The following MBOAT1 variants were observed in gnomAD, a reference collection of about 807,000 sequenced individuals.
MBOAT1 encodes membrane bound glycerophospholipid O-acyltransferase 1.
A neutral mutation model predicts 64.4 loss-of-function variants in MBOAT1; 67 were observed. The ratio of observed to expected loss-of-function variants is 1.04; its 90% CI spans 0.85 to 1.27. The LOEUF (loss-of-function observed/expected upper bound fraction) is 1.27, where lower values mean the gene tolerates loss of function less well. MBOAT1 is among the 50% of genes most tolerant of loss of function. The pLI is 0.00. For synonymous variants in MBOAT1, 229 were observed against 218.9 expected (o/e 1.05, Z -0.41); for missense variants, 563 against 604.6 (o/e 0.93, Z 0.72).
intron 9 of MBOAT1, among the ~76,000 whole-genome samples, chr6:20,117,909 C>T (rs1264088409): frequency 6.6e-6 from 1 of 152,086 alleles, no homozygotes; most frequent in Non-Finnish European, 1.5e-5. Context: ...TGAGAGCAGA[C>T]CAAAAATTGT....
chr6:20,157,323 C>T (rs1761724680), intron 1 of MBOAT1, among the ~76,000 whole-genome samples: 1 of 151,510 alleles, frequency 6.6e-6, no homozygotes, highest in Non-Finnish European at 1.5e-5. Context: ...AAAGTACCTG[C>T]CATAAAATGA....
intron 3 of MBOAT1, among the ~76,000 whole-genome samples, chr6:20,148,357 CAGACA>C (rs1383949315): frequency 6.6e-6 from 1 of 152,114 alleles, no homozygotes; most frequent in African/African-American, 2.4e-5. Flanking sequence ...GAAGAGGTTG[CAGACA>C]AGCCAAGACC....
At chr6:20,121,454 G>A (rs971351765) in intron 8 of MBOAT1, among the ~76,000 whole-genome samples, 1 of 152,178 alleles carries the variant, frequency 6.6e-6, no homozygotes, top group African/African-American at 2.4e-5. Flanking sequence ...AAAGAAAAGG[G>A]AAGCATGGGG....
intron 1 of MBOAT1, among the ~76,000 whole-genome samples, chr6:20,200,996 A>G (rs1042930171): frequency 6.6e-6 from 1 of 152,162 alleles, no homozygotes; most frequent in Non-Finnish European, 1.5e-5. Flanking sequence ...CAAACACAGG[A>G]GGCAAAGAGC....
At chr6:20,170,463 A>T (rs974586339) in intron 1 of MBOAT1, among the ~76,000 whole-genome samples, 1 of 152,126 alleles carries the variant, frequency 6.6e-6, no homozygotes, top group African/African-American at 2.4e-5. Context: ...CAGAAACTAG[A>T]GTTGTATCTC....
intron 9 of MBOAT1, among the ~76,000 whole-genome samples, chr6:20,116,331 CA>C (rs149851534): frequency 2.7e-5 from 4 of 145,902 alleles, no homozygotes; most frequent in Admixed American, 6.8e-5. Flanking sequence ...GACTCCATCT[CA>C]AAAAAAAAAT....
At chr6:20,107,647 C>A (rs960974365) in intron 12 of MBOAT1, among the ~76,000 whole-genome samples, 1 of 152,142 alleles carries the variant, frequency 6.6e-6, no homozygotes, top group Non-Finnish European at 1.5e-5. Context: ...CATTCTAGCT[C>A]CAGATTCTAG....
At chr6:20,173,706 T>C (rs1456599816) in intron 1 of MBOAT1, among the ~76,000 whole-genome samples, 1 of 151,878 alleles carries the variant, frequency 6.6e-6, no homozygotes, top group Non-Finnish European at 1.5e-5. Flanking sequence ...ATCTCAGCAC[T>C]TTGGGAGGCC....
chr6:20,120,008 T>C (rs1485150044), intron 8 of MBOAT1, among the ~76,000 whole-genome samples: 1 of 150,758 alleles, frequency 6.6e-6, no homozygotes, highest in Non-Finnish European at 1.5e-5. Context: ...TGTGTGTGCG[T>C]GTGTGTGTGT....
chr6:20,175,277 G>T (rs1294347903), intron 1 of MBOAT1, among the ~76,000 whole-genome samples: 4 of 152,116 alleles, frequency 2.6e-5, no homozygotes, highest in Admixed American at 2.0e-4. Flanking sequence ...TAGAGATGGG[G>T]TCTCACTCTG....
At chr6:20,149,963 T>G (rs2113690167) in intron 3 of MBOAT1, among the ~76,000 whole-genome samples, 1 of 152,318 alleles carries the variant, frequency 6.6e-6, no homozygotes, top group South Asian at 2.1e-4. Flanking sequence ...TCCATAAATA[T>G]TTATTGAGCT....
chr6:20,170,272 C>G (rs1324319598), intron 1 of MBOAT1, among the ~76,000 whole-genome samples: 1 of 152,196 alleles, frequency 6.6e-6, no homozygotes. Context: ...AGATGTCTCT[C>G]CTGAAGACAC....
At chr6:20,139,181 A>G (rs1414080206) in intron 4 of MBOAT1, among the ~76,000 whole-genome samples, 1 of 152,166 alleles carries the variant, frequency 6.6e-6, no homozygotes, top group East Asian at 1.9e-4. Flanking sequence ...GCTGGAATGC[A>G]GTGGTGTGGT....
intron 4 of MBOAT1, among the ~76,000 whole-genome samples, chr6:20,136,393 C>A (rs1040924274): frequency 1.3e-5 from 2 of 152,228 alleles, no homozygotes; most frequent in Non-Finnish European, 1.5e-5. Context: ...CTTGGTATAA[C>A]TTATGTCTGC....
intron 8 of MBOAT1, among the ~76,000 whole-genome samples, chr6:20,122,350 T>C (rs1303998758): frequency 6.6e-6 from 1 of 152,166 alleles, no homozygotes; most frequent in Non-Finnish European, 1.5e-5. Context: ...TCCGTTTCTC[T>C]TTATTCCTCC....
At chr6:20,166,929 A>C (rs1762031400) in intron 1 of MBOAT1, among the ~76,000 whole-genome samples, 1 of 151,958 alleles carries the variant, frequency 6.6e-6, no homozygotes, top group South Asian at 2.1e-4. Context: ...ACAGAGTGAG[A>C]CCCTGTCACG....
intron 11 of MBOAT1, among the ~76,000 whole-genome samples, chr6:20,110,011 G>A (rs1046266728): frequency 2.7e-5 from 4 of 146,074 alleles, no homozygotes; most frequent in Non-Finnish European, 1.5e-5. Context: ...CTGGGTTCAA[G>A]TGATTCTCCT....
At position 20,193,007 on chromosome 6, in the gene MBOAT1, T is replaced by C. The variant is rs1762849058; in HGVS notation, c.99+19129A>G. Among the ~76,000 whole-genome samples the C allele has an allele frequency of 1.9e-5, 2 of 104,482 alleles. 1 individual carries two copies. The highest frequency in any genetic ancestry group is 4.2e-5 in the Non-Finnish European group (2 of 47,806). The allele number at this position is 104,482 out of a possible 152,430, so 68.5% of individuals were successfully genotyped here. On this transcript the variant is annotated intron_variant, in intron 1 of 12. Coordinates refer to ENST00000324607, the MANE Select transcript of MBOAT1 (RefSeq NM_001080480.3). ...TATGCTATAATTTCTTTTTTTTTTTTTTTTTTTTTTTTTTTTGAGACGGAG... is the reference window on the plus strand; with the variant it reads ...TATGCTATAATTTCTTTTTTTTTTTCTTTTTTTTTTTTTTTTGAGACGGAG...
At position 20,109,584 on chromosome 6, in the gene MBOAT1, C is replaced by A; in HGVS notation, c.1361+14G>T. 1 of 1,604,126 alleles carries A rather than the reference C, an allele frequency of 6.2e-7. No homozygotes were observed. Among genetic ancestry groups the A allele is most frequent in the Non-Finnish European group, 8.5e-7 (1 of 1,173,726 alleles). ...TCATTTACGAGATGGCAACTGAGAA[C>A]AACGGAAACTTACTTGTATAAGCTG... On this transcript the variant is annotated intron_variant, in intron 12 of 12. Transcript: ENST00000324607.
Sources: gnomAD v4.1 joint callset for allele counts (sites outside exome capture counted in the v4.1 genomes callset) on GRCh38, gnomAD v4.1.1 for gene constraint, MANE v1.5 for transcripts, NCBI Gene and HGNC (gene_info 2026-07-23, HGNC 2026-07-21) for gene names.